Variants in WDR44 observed in about 807,000 individuals in gnomAD.
The protein encoded by WDR44 is WD repeat-containing protein 44.
WDR44 carries 9 observed loss-of-function variants against 65.7 expected under a neutral mutation model. The ratio of observed to expected loss-of-function variants is 0.14; its 90% CI spans 0.08 to 0.24. The LOEUF (loss-of-function observed/expected upper bound fraction) is 0.24. WDR44 is among the 10% of genes least tolerant of loss of function. The pLI is 1.00. For synonymous variants in WDR44, 220 were observed against 235.2 expected (o/e 0.94, Z 0.59); for missense variants, 425 against 670.9 (o/e 0.63, Z 4.05).
chrX:118,415,066 T>C (rs1320308408), intron 12 of WDR44, among the ~76,000 whole-genome samples: 2 of 111,992 alleles, frequency 1.8e-5, no homozygotes, highest in African/African-American at 6.5e-5. Context: ...TATGCTGATT[T>C]TGCTGAGAGT....
At chrX:118,438,025 CAAAAT>C (rs2057268667) in intron 14 of WDR44, among the ~76,000 whole-genome samples, 1 of 86,385 alleles carries the variant, frequency 1.2e-5, no homozygotes, top group African/African-American at 4.7e-5. Flanking sequence ...GACTCTGTCT[CAAAAT>C]AAAAAAAAAA....
At chrX:118,367,117 A>C (rs2056561378) in intron 1 of WDR44, among the ~76,000 whole-genome samples, 1 of 111,044 alleles carries the variant, frequency 9.0e-6, no homozygotes, top group Non-Finnish European at 1.9e-5. Flanking sequence ...GGTTTCTGGG[A>C]TTTGCTTCAA....
intron 15 of WDR44, among the ~76,000 whole-genome samples, 163 bp from the exon 16 acceptor site, chrX:118,442,081 A>G (rs984478777): frequency 9.0e-6 from 1 of 110,993 alleles, no homozygotes; most frequent in Non-Finnish European, 1.9e-5. Context: ...TCATTCTGTC[A>G]CCCAAGTTAG....
chrX:118,432,580 A>G (rs1012105037), intron 12 of WDR44, among the ~76,000 whole-genome samples: 13 of 112,027 alleles, frequency 1.2e-4, no homozygotes, highest in African/African-American at 4.2e-4. Context: ...CGATGTCTTC[A>G]GGGATGACCC....
At chrX:118,376,641 T>C (rs980956049) in intron 1 of WDR44, among the ~76,000 whole-genome samples, 2 of 111,384 alleles carry the variant, frequency 1.8e-5, no homozygotes, top group African/African-American at 6.5e-5. Flanking sequence ...GAAGCAGATA[T>C]CAGACTGTTC....
intron 1 of WDR44, among the ~76,000 whole-genome samples, chrX:118,359,373 T>C (rs2056492894): frequency 8.9e-6 from 1 of 112,374 alleles, no homozygotes; most frequent in African/African-American, 3.2e-5. Context: ...TATTGAATGG[T>C]TGTGAATGTG....
chrX:118,377,720 TC>T (rs1569362386), intron 1 of WDR44, among the ~76,000 whole-genome samples: 1 of 75,309 alleles, frequency 1.3e-5, no homozygotes, highest in Admixed American at 1.7e-4. Context: ...TTTTCTTCTC[TC>T]TCTTTTTTTT....
chrX:118,375,210 G>A lies in WDR44; in HGVS notation c.78-3209G>A, dbSNP rs543290198. Among the ~76,000 whole-genome samples, 307 of 110,651 alleles carry A rather than the reference G, an allele frequency of 2.8e-3. 2 individuals carry two copies. Among genetic ancestry groups the A allele is most frequent in the African/African-American group, 9.7e-3 (295 of 30,478 alleles). On this transcript the variant is annotated intron_variant, in intron 1 of 19. Transcript: ENST00000254029. ...TGTTTGTTTATTTTGTTTTTTGACA[G>A]CTAAAAAACCTGTTCAGATATCTCA... is the stretch of plus-strand genomic sequence containing the variant.
chrX:118,420,584 T>C (rs1173968685), intron 12 of WDR44, among the ~76,000 whole-genome samples: 1 of 111,783 alleles, frequency 8.9e-6, no homozygotes, highest in Non-Finnish European at 1.9e-5. Flanking sequence ...CGGCCCTTTA[T>C]CTCCCCCACA....
chrX:118,390,049 A>T (rs5956965), intron 3 of WDR44, among the ~76,000 whole-genome samples: 28,386 of 107,182 alleles, frequency 0.26, 3,165 homozygotes, highest in African/African-American at 0.39. Flanking sequence ...ACACACCACC[A>T]CGCCAGGCTA....
chrX:118,437,919 C>T (rs2057267028), intron 14 of WDR44, among the ~76,000 whole-genome samples: 1 of 110,720 alleles, frequency 9.0e-6, no homozygotes, highest in African/African-American at 3.3e-5. Flanking sequence ...GCCTGTAGTC[C>T]CAGCTACTCG....
intron 8 of WDR44, among the ~76,000 whole-genome samples, chrX:118,403,802 T>C (rs776436331): frequency 3.6e-5 from 4 of 112,215 alleles, no homozygotes; most frequent in Admixed American, 1.9e-4. Flanking sequence ...TGGGAATACC[T>C]ACTAGGAAAA....
intron 2 of WDR44, among the ~76,000 whole-genome samples, chrX:118,378,691 A>AATTG (rs1177939910): frequency 4.2e-5 from 4 of 94,376 alleles, no homozygotes; most frequent in Non-Finnish European, 7.8e-5. Context: ...TTTGTTTATA[A>AATTG]TATCTAGAAT....
intron 2 of WDR44, among the ~76,000 whole-genome samples, chrX:118,378,653 G>A (rs1316844519): frequency 9.2e-6 from 1 of 109,149 alleles, no homozygotes; most frequent in East Asian, 2.9e-4. Context: ...GGAACTGTAA[G>A]TATTTTTTAG....
chrX:118,443,423 ACCATGGGT>A (rs2057318676), intron 17 of WDR44, 129 bp from the exon 18 acceptor site: 2 of 722,120 alleles, frequency 2.8e-6, no homozygotes, highest in Non-Finnish European at 4.0e-6. Context: ...CTAGAGTGAG[ACCATGGGT>A]CTACATATTC....
intron 1 of WDR44, among the ~76,000 whole-genome samples, chrX:118,356,671 C>CA (rs1177006561): frequency 9.2e-6 from 1 of 108,343 alleles, no homozygotes; most frequent in African/African-American, 3.4e-5. Context: ...TGGGTAATTA[C>CA]AAAAAAATTA....
chrX:118,374,100 C>G (rs1253030510), intron 1 of WDR44, among the ~76,000 whole-genome samples: 1 of 108,987 alleles, frequency 9.2e-6, no homozygotes, highest in Non-Finnish European at 1.9e-5. Flanking sequence ...CCCCCCACCC[C>G]CTGACAGGCC....
chrX:118,424,323 G>GTGTGTGTATATATATA (rs1289349202), intron 12 of WDR44, among the ~76,000 whole-genome samples: 29 of 65,548 alleles, frequency 4.4e-4, no homozygotes, highest in African/African-American at 2.6e-3. Context: ...GTGTGTGTGT[G>GTGTGTGTATATATATA]TATATATATA....
chrX:118,380,142 T>C (rs1201311627), intron 2 of WDR44, among the ~76,000 whole-genome samples: 2 of 111,962 alleles, frequency 1.8e-5, no homozygotes, highest in East Asian at 2.8e-4. Flanking sequence ...TTGAAATAAT[T>C]ATAGATTCAC....
Sources: gnomAD v4.1 joint callset for allele counts (sites outside exome capture counted in the v4.1 genomes callset) on GRCh38, gnomAD v4.1.1 for gene constraint, MANE v1.5 for transcripts, NCBI Gene and HGNC (gene_info 2026-07-23, HGNC 2026-07-21) for gene names.